Variants in DENND1A observed in about 807,000 individuals in gnomAD.
DENND1A encodes DENN domain containing 1A.
In DENND1A, 51 loss-of-function variants were observed where a neutral mutation model predicts 113.7. The ratio of observed to expected loss-of-function variants is 0.45; its 90% CI spans 0.36 to 0.57. The LOEUF (loss-of-function observed/expected upper bound fraction) is 0.57, where lower values mean the gene tolerates loss of function less well. Ranked by LOEUF, DENND1A falls within the 20% of genes least tolerant of loss-of-function variation. The pLI is 0.00. For synonymous variants in DENND1A, 565 were observed against 570.8 expected, an observed-to-expected ratio of 0.99 and a Z score of 0.14; for missense variants, 1,258 against 1,395.9, an observed-to-expected ratio of 0.90 and a Z score of 1.57.
intron 19 of DENND1A, among the ~76,000 whole-genome samples, chr9:123,415,977 G>C (rs1564446917): frequency 6.6e-6 from 1 of 152,120 alleles, no homozygotes; most frequent in Non-Finnish European, 1.5e-5. Flanking sequence ...GTGGGAAGAG[G>C]GGGTAAGGGG....
At chr9:123,735,275 A>G (rs146345339) in intron 5 of DENND1A, among the ~76,000 whole-genome samples, 110 of 152,330 alleles carry the variant, frequency 7.2e-4, no homozygotes, top group African/African-American at 2.5e-3. Flanking sequence ...TCCCCACTAT[A>G]TATCAGACAC....
At chr9:123,688,104 C>T (rs1228408601) in intron 5 of DENND1A, among the ~76,000 whole-genome samples, 2 of 152,184 alleles carry the variant, frequency 1.3e-5, no homozygotes, top group Non-Finnish European at 2.9e-5. Context: ...CATGCCTTTG[C>T]TTATTTACTC....
chr9:123,457,935 G>A (rs1350049606), intron 13 of DENND1A, 38 bp from the exon 14 acceptor site: 12 of 1,481,884 alleles, frequency 8.1e-6, no homozygotes, highest in East Asian at 4.7e-5. Context: ...TCAGTGGCAC[G>A]GAGCAAGAGC....
chr9:123,812,517 T>A (rs1483211374), intron 2 of DENND1A, among the ~76,000 whole-genome samples: 1 of 152,110 alleles, frequency 6.6e-6, no homozygotes, highest in East Asian at 1.9e-4. Context: ...GTGAGTGGAA[T>A]GAGTGGTTGC....
intron 5 of DENND1A, among the ~76,000 whole-genome samples, chr9:123,700,880 C>G (rs1470928750): frequency 2.6e-5 from 4 of 152,184 alleles, no homozygotes; most frequent in African/African-American, 9.7e-5. Context: ...AAATGTATCT[C>G]AGCAATGTTT....
chr9:123,787,843 G>A (rs1323776438), intron 3 of DENND1A, among the ~76,000 whole-genome samples: 1 of 152,084 alleles, frequency 6.6e-6, no homozygotes, highest in East Asian at 1.9e-4. Context: ...GCTTGTACAA[G>A]AAACACTGTT....
intron 8 of DENND1A, 72 bp from the exon 9 acceptor site, chr9:123,652,195 C>G (rs1480153782): frequency 8.2e-7 from 1 of 1,221,156 alleles, no homozygotes; most frequent in Admixed American, 1.9e-5. Flanking sequence ...CTAATAAGAG[C>G]ATAAGAAACA....
intron 5 of DENND1A, among the ~76,000 whole-genome samples, chr9:123,734,024 G>T (rs979125815): frequency 9.9e-5 from 15 of 152,036 alleles, no homozygotes; most frequent in Admixed American, 9.2e-4. Context: ...AGTACAGAGA[G>T]GCACATAGTT....
At chr9:123,600,580 G>A (rs919433846) in intron 11 of DENND1A, among the ~76,000 whole-genome samples, 5 of 152,188 alleles carry the variant, frequency 3.3e-5, no homozygotes, top group Admixed American at 2.6e-4. Flanking sequence ...TAAGAGGATA[G>A]CAAAAGAATA....
intron 13 of DENND1A, among the ~76,000 whole-genome samples, chr9:123,497,756 A>G (rs2052063201): frequency 6.6e-6 from 1 of 151,614 alleles, no homozygotes; most frequent in Admixed American, 6.6e-5. Flanking sequence ...CTGTTTCACC[A>G]TATAGAAATA....
chr9:123,761,240 T>TA (rs1171397898), intron 4 of DENND1A, among the ~76,000 whole-genome samples: 1 of 152,254 alleles, frequency 6.6e-6, no homozygotes, highest in Non-Finnish European at 1.5e-5. Context: ...TTTAGCAAGT[T>TA]ACTTAAAACC....
In DENND1A at chr9:123,648,887, C is replaced by T. The variant is rs1010061417; in HGVS notation, c.618+3126G>A. ...TTGATTCCCCAGAGATGCTACAATG[C>T]CACCTTTTATAAAATAAAGAGCCCA... On this transcript the variant is annotated intron_variant, in intron 9 of 23. Coordinates refer to ENST00000394215, the MANE Select transcript of DENND1A (RefSeq NM_001352964.2). Among the ~76,000 whole-genome samples, 29 of 152,218 alleles carry T rather than the reference C, an allele frequency of 1.9e-4. No individual in the cohort carries two copies. The Middle Eastern group carries it at 0.01, about 54-fold the overall frequency.
chr9:123,674,338 T>A (rs1314837851), intron 6 of DENND1A, among the ~76,000 whole-genome samples: 33 of 126,176 alleles, frequency 2.6e-4, no homozygotes, highest in African/African-American at 9.8e-4. Flanking sequence ...TCTCTGTCTC[T>A]CTCTCACACA....
intron 6 of DENND1A, among the ~76,000 whole-genome samples, chr9:123,673,642 A>G (rs761579135): frequency 3.3e-5 from 5 of 152,184 alleles, no homozygotes; most frequent in East Asian, 1.9e-4. Flanking sequence ...CTTTCAGTCA[A>G]TTGAGCCAGG....
intron 5 of DENND1A, among the ~76,000 whole-genome samples, chr9:123,741,491 C>T (rs2069018879): frequency 6.6e-6 from 1 of 152,140 alleles, no homozygotes; most frequent in African/African-American, 2.4e-5. Context: ...ACAATGTAGT[C>T]TTTTGGATTA....
At chr9:123,485,267 C>G (rs964501402) in intron 13 of DENND1A, among the ~76,000 whole-genome samples, 1 of 152,172 alleles carries the variant, frequency 6.6e-6, no homozygotes, top group African/African-American at 2.4e-5. Flanking sequence ...ATTTCAGCTC[C>G]GCACTATCAC....
chr9:123,554,714 C>T (rs2057325037), intron 13 of DENND1A, among the ~76,000 whole-genome samples: 1 of 152,150 alleles, frequency 6.6e-6, no homozygotes, highest in Non-Finnish European at 1.5e-5. Flanking sequence ...AAAATTACTT[C>T]CCATTGTAAC....
chr9:123,873,803 C>T (rs1847023769), intron 2 of DENND1A, among the ~76,000 whole-genome samples: 1 of 151,470 alleles, frequency 6.6e-6, no homozygotes, highest in Non-Finnish European at 1.5e-5. Context: ...AGTGCAGTGG[C>T]ACAATCTCAG....
At chr9:123,574,612 A>G (rs1342488560) in intron 12 of DENND1A, among the ~76,000 whole-genome samples, 1 of 152,206 alleles carries the variant, frequency 6.6e-6, no homozygotes, top group East Asian at 1.9e-4. Context: ...ACCCAGTTTC[A>G]GTTTCCCCTA....
Sources: allele counts gnomAD v4.1 joint callset (sites outside exome capture counted in the v4.1 genomes callset), GRCh38; gene constraint gnomAD v4.1.1; transcripts MANE v1.5; gene names NCBI Gene and HGNC (gene_info 2026-07-23, HGNC 2026-07-21).